Variants in SUPT3H observed in about 807,000 individuals in gnomAD.
SUPT3H encodes the protein SPT3 homolog, SAGA and STAGA complex component, also known as transcription initiation protein SPT3 homolog.
SUPT3H carries 44 observed loss-of-function variants against 44.3 expected under a neutral mutation model. The ratio of observed to expected loss-of-function variants is 0.99; its 90% CI spans 0.78 to 1.28. The LOEUF (loss-of-function observed/expected upper bound fraction) is 1.28, where lower values mean the gene tolerates loss of function less well. SUPT3H is among the 50% of genes most tolerant of loss of function. SUPT3H has a pLI of 0.00. For synonymous variants in SUPT3H, 124 were observed against 125.6 expected (o/e 0.99, Z 0.09); for missense variants, 380 against 387.1 (o/e 0.98, Z 0.15).
chr6:44,841,715 T>C (rs1299576889), intron 10 of SUPT3H, among the ~76,000 whole-genome samples: 4 of 152,246 alleles, frequency 2.6e-5, no homozygotes, highest in African/African-American at 9.6e-5. Flanking sequence ...TAATGCATCT[T>C]TGGGTCTGCA....
chr6:45,044,393 G>T (rs997556549), intron 3 of SUPT3H, among the ~76,000 whole-genome samples: 3 of 152,112 alleles, frequency 2.0e-5, no homozygotes, highest in African/African-American at 7.2e-5. Flanking sequence ...TAATCCCCTG[G>T]TTCTCAGGGT....
intron 5 of SUPT3H, among the ~76,000 whole-genome samples, chr6:45,006,449 T>C (rs1782727378): frequency 6.6e-6 from 1 of 152,150 alleles, no homozygotes; most frequent in Non-Finnish European, 1.5e-5. Flanking sequence ...AATTGTAATA[T>C]ACTTTTCTAT....
At position 44,816,914 on chromosome 6, in the gene SUPT3H, T is replaced by A. The variant is rs78322078; in HGVS notation, c.*53-7413A>T. Reference sequence around the variant, plus strand: ...CAAAATAAAACAACAACAAAAAAAATGCCAGGCATGGTGATGTGTGCTTAT... The same window carrying A: ...CAAAATAAAACAACAACAAAAAAAAAGCCAGGCATGGTGATGTGTGCTTAT... On this transcript the variant is annotated intron_variant and NMD_transcript_variant, in intron 11 of 11. Coordinates refer to the SUPT3H transcript ENST00000475057. Among the ~76,000 whole-genome samples, 3 of 149,618 alleles carry A rather than the reference T, an allele frequency of 2.0e-5. No individual in the cohort carries two copies. The East Asian group carries it at 5.9e-4, about 29-fold the overall frequency.
chr6:45,334,449 C>CAAAAA (rs551014969), intron 2 of SUPT3H, among the ~76,000 whole-genome samples: 666 of 91,590 alleles, frequency 7.3e-3, no homozygotes, highest in Non-Finnish European at 1.0e-2. Context: ...TCAGGAAAAG[C>CAAAAA]AAAAAAAAAA....
chr6:45,120,495 A>G (rs2153578979), intron 2 of SUPT3H, among the ~76,000 whole-genome samples: 1 of 150,640 alleles, frequency 6.6e-6, no homozygotes. Context: ...TGATGATGAT[A>G]CTTTGATAAA....
intron 6 of SUPT3H, among the ~76,000 whole-genome samples, chr6:44,982,769 C>G (rs116799383): frequency 6.6e-6 from 1 of 152,190 alleles, no homozygotes; most frequent in East Asian, 1.9e-4. Context: ...CTATGGCATT[C>G]GTAAGAATCT....
Position 45,205,452 on chromosome 6 carries a change from T to TACAAAATA in SUPT3H, c.102-99447_102-99446insTATTTTGT, listed in dbSNP as rs1261557417. 5.3e-5 allele frequency among the ~76,000 whole-genome samples: 8 copies of TACAAAATA among 152,122 alleles called. No individual in the cohort carries two copies. The East Asian group carries it at 1.2e-3, about 22-fold the overall frequency. On this transcript the variant is annotated intron_variant, in intron 2 of 10. Transcript: ENST00000371459. ...AAAATTCCTGAAATTCTGATAAACTTTATATAATGTATAGCTTACAAAATG... is the reference window on the plus strand; with the variant it reads ...AAAATTCCTGAAATTCTGATAAACTTACAAAATATATATAATGTATAGCTTACAAAATG...
intron 3 of SUPT3H, among the ~76,000 whole-genome samples, chr6:45,091,473 T>TA (rs1324790667): frequency 2.0e-5 from 3 of 151,980 alleles, no homozygotes; most frequent in Non-Finnish European, 4.4e-5. Context: ...AAGTACCCAT[T>TA]AAAAAAACAG....
At chr6:45,297,476 TA>T (rs1288703388) in intron 2 of SUPT3H, among the ~76,000 whole-genome samples, 1 of 152,208 alleles carries the variant, frequency 6.6e-6, no homozygotes, top group East Asian at 1.9e-4. Context: ...AAAAATTACA[TA>T]AAATATTTTA....
chr6:45,054,073 A>G (rs573477217), intron 3 of SUPT3H, among the ~76,000 whole-genome samples: 278 of 152,174 alleles, frequency 1.8e-3, no homozygotes, highest in African/African-American at 6.5e-3. Flanking sequence ...AGTTCCCTTC[A>G]GTTTATGTGT....
chr6:45,177,586 T>A (rs1812211241), intron 2 of SUPT3H, among the ~76,000 whole-genome samples: 1 of 151,792 alleles, frequency 6.6e-6, no homozygotes, highest in South Asian at 2.1e-4. Flanking sequence ...AAGATACTCC[T>A]CGAGAAGAGC....
intron 2 of SUPT3H, among the ~76,000 whole-genome samples, chr6:45,145,197 C>T (rs983880805): frequency 6.6e-6 from 1 of 151,948 alleles, no homozygotes; most frequent in Non-Finnish European, 1.5e-5. Flanking sequence ...CAATAAAGAT[C>T]CTACATAGCC....
At chr6:44,866,353 G>A (rs1775506545) in intron 10 of SUPT3H, among the ~76,000 whole-genome samples, 1 of 151,994 alleles carries the variant, frequency 6.6e-6, no homozygotes, top group Non-Finnish European at 1.5e-5. Flanking sequence ...GCTTAGCAGT[G>A]CACGCCTGTA....
At chr6:45,021,639 C>G (rs917117623) in intron 3 of SUPT3H, among the ~76,000 whole-genome samples, 2 of 151,916 alleles carry the variant, frequency 1.3e-5, no homozygotes, top group African/African-American at 4.8e-5. Flanking sequence ...AAAGATAAAC[C>G]TAACACATTT....
intron 1 of SUPT3H, among the ~76,000 whole-genome samples, chr6:45,373,118 T>C (rs934844062): frequency 1.3e-5 from 2 of 151,976 alleles, no homozygotes; most frequent in Non-Finnish European, 2.9e-5. Context: ...AGCTAATTTT[T>C]GTTTTAAATT....
chr6:45,310,380 G>A (rs1404107175), intron 2 of SUPT3H, among the ~76,000 whole-genome samples: 1 of 152,058 alleles, frequency 6.6e-6, no homozygotes, highest in African/African-American at 2.4e-5. Context: ...TACAATCCTG[G>A]GAGTTCTAGG....
Position 45,177,523 on chromosome 6 carries a change from A to C in SUPT3H, c.102-71517T>G, listed in dbSNP as rs1031569518. 6.9e-4 allele frequency among the ~76,000 whole-genome samples: 105 copies of C among 152,216 alleles called. 1 individual carries two copies. Among genetic ancestry groups the C allele is most frequent in the Non-Finnish European group, 1.8e-4 (12 of 68,048 alleles). ...GGATATTATCCAGGAGAACTTCCCC[A>C]ATCTAGCAAGGCAGGCCAACATTCA... is the stretch of plus-strand genomic sequence containing the variant. On this transcript the variant is annotated intron_variant, in intron 2 of 10. Transcript: ENST00000371459.
chr6:45,153,014 C>T (rs1807201506), intron 2 of SUPT3H, among the ~76,000 whole-genome samples: 1 of 152,136 alleles, frequency 6.6e-6, no homozygotes, highest in Non-Finnish European at 1.5e-5. Flanking sequence ...TTTACATTTG[C>T]TATTCTCTCA....
intron 2 of SUPT3H, among the ~76,000 whole-genome samples, chr6:45,120,444 CTATA>C (rs1372265763): frequency 2.3e-5 from 1 of 44,176 alleles, no homozygotes; most frequent in African/African-American, 7.4e-5. Context: ...AAAAAAAAGA[CTATA>C]TAAGCATATA....
Sources: allele counts gnomAD v4.1 joint callset (sites outside exome capture counted in the v4.1 genomes callset), GRCh38; gene constraint gnomAD v4.1.1; transcripts MANE v1.5; gene names NCBI Gene and HGNC (gene_info 2026-07-23, HGNC 2026-07-21).